PRRC2C: variants seen among roughly 807,000 people sequenced by gnomAD.
PRRC2C encodes proline rich coiled-coil 2C.
PRRC2C carries 72 observed loss-of-function variants against 317.2 expected under a neutral mutation model. The observed-to-expected ratio is 0.23, with a 90% CI of 0.19 to 0.28. The LOEUF is 0.28. PRRC2C is among the 10% of genes least tolerant of loss of function. The pLI, the probability that PRRC2C is intolerant of heterozygous loss-of-function variation, is 1.00. For synonymous variants in PRRC2C, 1,296 were observed against 1,205.9 expected, an observed-to-expected ratio of 1.07 and a Z score of -1.55; for missense variants, 3,074 against 3,459.7, an observed-to-expected ratio of 0.89 and a Z score of 2.80.
intron 30 of PRRC2C, 27 bp downstream of exon 30, chr1:171,584,553 C>T (rs542731867): frequency 1.1e-4 from 167 of 1,517,696 alleles, no homozygotes; most frequent in Non-Finnish European, 1.3e-4. Context: ...TAAATTTCCT[C>T]AATTTTCTTT....
rs1409905655 is a variant in PRRC2C at position 171,506,703 on chromosome 1, G to GTGTGTGTA, written c.-57-5322_-57-5321insATGTGTGT. Among the ~76,000 whole-genome samples, 3 of 149,944 alleles carry GTGTGTGTA rather than the reference G, an allele frequency of 2.0e-5. No homozygotes were observed. In the East Asian group the frequency reaches 5.8e-4, roughly 29 times the overall value. On this transcript the variant is annotated intron_variant, in intron 1 of 34. Coordinates refer to ENST00000647382, the MANE Select transcript of PRRC2C (RefSeq NM_001387844.1). The stretch of plus-strand genomic sequence containing the variant: ...TTTTTTTCTTTGTGTGTGTGTGTGT[G>GTGTGTGTA]TGTGTGTGTGTGTGTTTTAATTGGA...
Position 171,540,255 on chromosome 1 carries a change from G to A in PRRC2C, c.2789G>A (p.Gly930Glu), listed in dbSNP as rs537811030. The A allele has an allele frequency of 1.2e-6, 2 of 1,613,790 alleles. No individual in the cohort carries two copies. The highest frequency in any genetic ancestry group is 2.2e-5 in the South Asian group (2 of 91,046). The change falls in exon 16 of 35, where the codon GGA (glycine) becomes GAA (glutamate). Residue 930 changes from glycine (G) to glutamate (E), a missense_variant. Gly to Glu is a moderately conservative substitution (Grantham distance 98). Transcript: ENST00000647382. ...TCCCGGAAAAGAAGTGTTTCCCATGGATCTAACCATACGCAAAAACCAGAC... is the reference window on the plus strand; with the variant it reads ...TCCCGGAAAAGAAGTGTTTCCCATGAATCTAACCATACGCAAAAACCAGAC... Reference protein sequence around the residue: ...QPSRKRSVSHGSNHTQKPDEQ... With the variant: ...QPSRKRSVSHESNHTQKPDEQ...
chr1:171,495,247 C>G lies in PRRC2C; in HGVS notation c.-58+9512C>G, dbSNP rs1557855626. 1.3e-5 allele frequency among the ~76,000 whole-genome samples: 2 copies of G among 152,284 alleles called. 1 individual carries two copies. Among genetic ancestry groups the G allele is most frequent in the East Asian group, 3.9e-4 (2 of 5,192 alleles). On this transcript the variant is annotated intron_variant, in intron 1 of 34. Coordinates refer to ENST00000647382, the MANE Select transcript of PRRC2C (RefSeq NM_001387844.1). The stretch of plus-strand genomic sequence containing the variant: ...CACTACTAGCTGTCACAGCTAGAAC[C>G]TTTTTCACATGACAGTCTGGGTCTG...
rs575240421 is a variant in PRRC2C at position 171,589,313 on chromosome 1, T to G, written c.8200-56T>G. 105 of 684,560 alleles carry G rather than the reference T, an allele frequency of 1.5e-4. No individual in the cohort carries two copies. The South Asian group carries it at 1.7e-3, about 11-fold the overall frequency. The allele number at this position is 684,560 out of a possible 1,614,324, so 42.4% of individuals were successfully genotyped here. ...CCAACCTGGTCTAGTTGGCAGTTTT[T>G]TTTTTTTTTTTTTTTTTAACAGTTC... On this transcript the variant is annotated intron_variant, in intron 33 of 34. Transcript: ENST00000647382.
At chr1:171,588,626 TCTGAATTTAACA>T in intron 33 of PRRC2C, 121 bp downstream of exon 33, 1 of 1,120,626 alleles carries the variant, frequency 8.9e-7, no homozygotes, top group African/African-American at 1.6e-5. Context: ...AAAAATTGTT[TCTGAATTTAACA>T]ATAAATTTAT....
chr1:171,535,697 C>G, intron 13 of PRRC2C, 100 bp downstream of exon 13: 1 of 1,321,314 alleles, frequency 7.6e-7, no homozygotes, highest in Non-Finnish European at 1.0e-6. Context: ...GTAAAGCACA[C>G]AAAGTTCCCT....
intron 20 of PRRC2C, among the ~76,000 whole-genome samples, chr1:171,564,864 G>T (rs752795730): frequency 5.9e-5 from 9 of 152,156 alleles, no homozygotes; most frequent in Non-Finnish European, 1.3e-4. Flanking sequence ...GTATTTGAAG[G>T]TGACTATTTA....
intron 1 of PRRC2C, among the ~76,000 whole-genome samples, chr1:171,490,801 G>GA (rs1240411754): frequency 6.6e-6 from 1 of 152,162 alleles, no homozygotes; most frequent in African/African-American, 2.4e-5. Flanking sequence ...GGGGAAGAGG[G>GA]AAAATCTCTT....
chr1:171,551,565 G>C (rs1262329639), intron 18 of PRRC2C, among the ~76,000 whole-genome samples: 2 of 152,134 alleles, frequency 1.3e-5, no homozygotes, highest in African/African-American at 2.4e-5. Context: ...GTATGGCCTA[G>C]GTTTTCTTCT....
intron 17 of PRRC2C, among the ~76,000 whole-genome samples, chr1:171,548,508 T>A (rs1679589913): frequency 6.6e-6 from 1 of 152,228 alleles, no homozygotes; most frequent in Admixed American, 6.5e-5. Context: ...TTTTATTGTA[T>A]ATGTAATTTC....
In PRRC2C at chr1:171,527,777, C is replaced by A. The variant is rs1243554222; in HGVS notation, c.1201-14C>A. The A allele has an allele frequency of 2.6e-6, 4 of 1,553,818 alleles. No homozygotes were observed. In the Admixed American group the frequency reaches 7.5e-5, roughly 29 times the overall value. ...TCCAAAATAATAAGAATAATTCTTT[C>A]TTCTTTATAATAGGAACGTGGAACA... On this transcript the variant is annotated splice_polypyrimidine_tract_variant and intron_variant, in intron 10 of 34. Transcript: ENST00000647382.
intron 1 of PRRC2C, among the ~76,000 whole-genome samples, chr1:171,496,779 G>A (rs1360869695): frequency 3.0e-5 from 2 of 66,360 alleles, no homozygotes; most frequent in Admixed American, 1.7e-4. Context: ...TGGGGCGTGT[G>A]TGTGTGTGTG....
intron 18 of PRRC2C, 53 bp from the exon 19 acceptor site, chr1:171,557,187 C>G: frequency 1.4e-6 from 2 of 1,480,784 alleles, no homozygotes; most frequent in African/African-American, 2.8e-5. Context: ...CATTTATGAA[C>G]TGTTGCATTC....
rs780355842 is a variant in PRRC2C at position 171,540,285 on chromosome 1, A to G, written c.2819A>G (p.Gln940Arg). The change falls in exon 16 of 35, where the codon CAG becomes CGG. Residue 940 changes from glutamine to arginine, a missense_variant. By Grantham distance (43) the Gln-to-Arg change is conservative. This residue lies in a region of PRRC2C where 1,320 missense variants were observed against 1,395.7 expected (regional missense o/e 0.95). Transcript: ENST00000647382. ...AACCATACGCAAAAACCAGACGAGCAGAGAAGTGAACCATCTGCAGGCATT... is the reference window on the plus strand; with the variant it reads ...AACCATACGCAAAAACCAGACGAGCGGAGAAGTGAACCATCTGCAGGCATT... ...GSNHTQKPDEQRSEPSAGIPK... is the reference protein window; with the variant it reads ...GSNHTQKPDERRSEPSAGIPK... The G allele has an allele frequency of 1.2e-6, 2 of 1,613,794 alleles. No homozygotes were observed. Among genetic ancestry groups the G allele is most frequent in the East Asian group, 2.2e-5 (1 of 44,896 alleles).
chr1:171,562,779 T>C, intron 20 of PRRC2C, among the ~76,000 whole-genome samples: 1 of 152,180 alleles, frequency 6.6e-6, no homozygotes, highest in East Asian at 1.9e-4. Context: ...GAAGAGTTCA[T>C]CTAGTTTGAA....
intron 11 of PRRC2C, among the ~76,000 whole-genome samples, chr1:171,530,123 C>T (rs1675496445): frequency 6.6e-6 from 1 of 151,256 alleles, no homozygotes; most frequent in South Asian, 2.1e-4. Context: ...ACCTTGGCCA[C>T]GAATTAGAAA....
intron 17 of PRRC2C, among the ~76,000 whole-genome samples, chr1:171,547,764 C>T (rs1425747769): frequency 6.6e-6 from 1 of 151,552 alleles, no homozygotes; most frequent in Non-Finnish European, 1.5e-5. Context: ...CTGCCTCAGC[C>T]TCCTTAATAG....
intron 34 of PRRC2C, chr1:171,591,344 T>A: frequency 1.4e-6 from 1 of 720,794 alleles, no homozygotes; most frequent in Non-Finnish European, 1.9e-6. Flanking sequence ...AGGGCAGACC[T>A]TGAAAAGGTG....
intron 6 of PRRC2C, among the ~76,000 whole-genome samples, chr1:171,519,212 A>G (rs187586424): frequency 3.3e-5 from 5 of 152,312 alleles, no homozygotes; most frequent in Non-Finnish European, 7.4e-5. Context: ...TTACTAAAGC[A>G]AATCCAAGAT....
Sources: allele counts gnomAD v4.1 joint callset (sites outside exome capture counted in the v4.1 genomes callset), GRCh38; gene constraint gnomAD v4.1.1; regional missense constraint gnomAD v4.1.1; transcripts MANE v1.5; gene names NCBI Gene and HGNC (gene_info 2026-07-23, HGNC 2026-07-21).